Variants in PDZRN3 observed in about 807,000 individuals in gnomAD.
PDZRN3 encodes PDZ domain containing ring finger 3, also known as E3 ubiquitin-protein ligase PDZRN3.
In PDZRN3, 38 loss-of-function variants were observed where a neutral mutation model predicts 85.7. The observed-to-expected ratio is 0.44, with a 90% CI of 0.34 to 0.58. PDZRN3 has a LOEUF of 0.58. Among genes scored for constraint, PDZRN3 ranks in the 20% least tolerant of loss-of-function variants. The pLI is 0.01. For synonymous variants in PDZRN3, 759 were observed against 638.0 expected, an observed-to-expected ratio of 1.19 and a Z score of -2.86; for missense variants, 1,629 against 1,506.4, an observed-to-expected ratio of 1.08 and a Z score of -1.35.
intron 3 of PDZRN3, among the ~76,000 whole-genome samples, chr3:73,574,454 G>GGC (rs1238727421): frequency 9.7e-5 from 9 of 92,402 alleles, no homozygotes; most frequent in Non-Finnish European, 1.5e-4. Flanking sequence ...TTTTTGGCTG[G>GGC]GGTGGGGGGG....
chr3:73,386,861 G>GTCT (rs1701403984), intron 8 of PDZRN3, among the ~76,000 whole-genome samples: 1 of 63,020 alleles, frequency 1.6e-5, no homozygotes, highest in Admixed American at 1.4e-4. Context: ...TCTGTCTCTC[G>GTCT]GCTTTTTCAA....
intron 3 of PDZRN3, among the ~76,000 whole-genome samples, chr3:73,599,255 G>A (rs956593033): frequency 6.6e-6 from 1 of 152,216 alleles, no homozygotes; most frequent in African/African-American, 2.4e-5. Flanking sequence ...ACAACAGAAT[G>A]TTATTTAGCC....
Position 73,624,316 on chromosome 3 carries a change from GTTGTGC to G in PDZRN3, c.504_509del (p.His169_Asn170del). The G allele has an allele frequency of 7.6e-7, 1 of 1,316,334 alleles. No individual in the cohort carries two copies. The allele number at this position is 1,316,334 out of a possible 1,614,324, so 81.5% of individuals were successfully genotyped here. On this transcript the variant is annotated inframe_deletion, in exon 1 of 10. Transcript: ENST00000263666. ...CGCCCAGGCGGGCCTGGAGCGCGCCGTTGTGCGCCCGCAGCGCTCGCGCGCAGCAGT... is the reference window on the plus strand; with the variant it reads ...CGCCCAGGCGGGCCTGGAGCGCGCCGGCCCGCAGCGCTCGCGCGCAGCAGT...
chr3:73,425,103 C>T (rs1057138891), intron 3 of PDZRN3, among the ~76,000 whole-genome samples: 6 of 151,712 alleles, frequency 4.0e-5, no homozygotes, highest in African/African-American at 1.2e-4. Context: ...CAAGCTCCAC[C>T]TCCCAGGTTC....
chr3:73,601,487 G>A (rs962675432), intron 3 of PDZRN3, among the ~76,000 whole-genome samples: 1 of 152,100 alleles, frequency 6.6e-6, no homozygotes, highest in Non-Finnish European at 1.5e-5. Context: ...GCATATCATC[G>A]TGGATTCTCA....
chr3:73,426,866 A>C (rs1340590609), intron 3 of PDZRN3, among the ~76,000 whole-genome samples: 1 of 152,114 alleles, frequency 6.6e-6, no homozygotes, highest in African/African-American at 2.4e-5. Flanking sequence ...TACTCTGAGA[A>C]CTAATGACTT....
intron 3 of PDZRN3, among the ~76,000 whole-genome samples, chr3:73,527,999 C>A (rs1035134961): frequency 6.6e-6 from 1 of 152,176 alleles, no homozygotes; most frequent in Admixed American, 6.5e-5. Flanking sequence ...AAAAGCCCAC[C>A]GGCTTATGTC....
intron 5 of PDZRN3, among the ~76,000 whole-genome samples, 177 bp from the exon 6 acceptor site, chr3:73,391,293 C>T (rs539677441): frequency 1.1e-4 from 17 of 152,348 alleles, no homozygotes; most frequent in South Asian, 4.1e-4. Context: ...TCAATGCCTA[C>T]GGCATTTCTG....
chr3:73,430,848 G>T (rs1384463064), intron 3 of PDZRN3, among the ~76,000 whole-genome samples: 1 of 152,118 alleles, frequency 6.6e-6, no homozygotes, highest in Non-Finnish European at 1.5e-5. Context: ...CAACCTTAAA[G>T]CATCTTCCTT....
intron 3 of PDZRN3, among the ~76,000 whole-genome samples, chr3:73,481,306 T>C (rs1703555970): frequency 6.6e-6 from 1 of 152,222 alleles, no homozygotes; most frequent in African/African-American, 2.4e-5. Flanking sequence ...ATGAAGAGAA[T>C]ACAATTTATT....
intron 3 of PDZRN3, among the ~76,000 whole-genome samples, chr3:73,550,251 C>A (rs1038075897): frequency 6.6e-6 from 1 of 152,290 alleles, no homozygotes; most frequent in Admixed American, 6.5e-5. Flanking sequence ...ACCCCTCAAC[C>A]CCCCAGACCT....
intron 3 of PDZRN3, among the ~76,000 whole-genome samples, chr3:73,427,685 T>G (rs888597096): frequency 9.8e-5 from 15 of 152,328 alleles, no homozygotes; most frequent in Admixed American, 9.2e-4. Context: ...GACTCATTTG[T>G]CACGGTAAAA....
chr3:73,440,042 A>T (rs1021264569), intron 3 of PDZRN3, among the ~76,000 whole-genome samples: 83 of 149,268 alleles, frequency 5.6e-4, no homozygotes, highest in Non-Finnish European at 1.1e-3. Context: ...CCAGACTCTT[A>T]TTTTTTTTTT....
At chr3:73,554,454 C>T (rs879396724) in intron 3 of PDZRN3, among the ~76,000 whole-genome samples, 8 of 152,150 alleles carry the variant, frequency 5.3e-5, no homozygotes, top group South Asian at 2.1e-4. Flanking sequence ...CTGTCATCAT[C>T]GTCATCGACA....
In PDZRN3 at chr3:73,458,505, T is replaced by C. The variant is rs143509018; in HGVS notation, c.919-54110A>G. ...AGTAATTTTTCTCCAACGTTTATGC[T>C]TATTTGAAGTTTTCATGGCAAACTA... On this transcript the variant is annotated intron_variant, in intron 3 of 9. Coordinates refer to ENST00000263666, the MANE Select transcript of PDZRN3 (RefSeq NM_015009.3). 6.3e-3 allele frequency among the ~76,000 whole-genome samples: 940 copies of C among 149,976 alleles called. 12 individuals are homozygous for C. The highest frequency in any genetic ancestry group is 0.022 in the African/African-American group (898 of 40,536).
chr3:73,444,869 A>T (rs1249836833), intron 3 of PDZRN3, among the ~76,000 whole-genome samples: 1 of 152,236 alleles, frequency 6.6e-6, no homozygotes, highest in Non-Finnish European at 1.5e-5. Context: ...GCCAGGCCAG[A>T]GCCACACGTG....
intron 3 of PDZRN3, among the ~76,000 whole-genome samples, chr3:73,478,804 C>G (rs1703507081): frequency 6.6e-6 from 1 of 152,128 alleles, no homozygotes; most frequent in Non-Finnish European, 1.5e-5. Context: ...AACCATGTTG[C>G]TTTTTTCTTC....
At chr3:73,404,067 T>G in intron 4 of PDZRN3, 81 bp downstream of exon 4, 1 of 1,406,966 alleles carries the variant, frequency 7.1e-7, no homozygotes, top group South Asian at 1.4e-5. Context: ...GTGCATTAAT[T>G]TTTTTCACCA....
rs1400161048 is a variant in PDZRN3, at chr3:73,565,221, T to C, written c.918+37133A>G. Among the ~76,000 whole-genome samples the C allele has an allele frequency of 2.7e-5, 4 of 149,884 alleles. 1 individual carries two copies. The Admixed American group carries it at 2.7e-4, about 10-fold the overall frequency. On this transcript the variant is annotated intron_variant, in intron 3 of 9. Transcript: ENST00000263666. ...TCGGCTCACTGCAACCTCTGCCTCC[T>C]AGGTTCAAGCAACTCTCCTGCCTCA...
Sources: allele counts gnomAD v4.1 joint callset (sites outside exome capture counted in the v4.1 genomes callset), GRCh38; gene constraint gnomAD v4.1.1; transcripts MANE v1.5; gene names NCBI Gene and HGNC (gene_info 2026-07-23, HGNC 2026-07-21).